The following SLC4A10 variants were observed in gnomAD, a reference collection of about 807,000 sequenced individuals.
SLC4A10 encodes the protein sodium-driven chloride bicarbonate exchanger.
SLC4A10 carries 42 observed loss-of-function variants against 137.7 expected under a neutral mutation model. That is an observed-to-expected ratio of 0.30 (90% confidence interval 0.24 to 0.39). The LOEUF is 0.39. Among genes scored for constraint, SLC4A10 ranks in the 10% least tolerant of loss-of-function variants. SLC4A10 has a pLI of 1.00. For missense variants in SLC4A10, 925 were observed against 1,355.0 expected (o/e 0.68, Z 4.98); for synonymous variants, 474 against 464.1 (o/e 1.02, Z -0.27).
intron 1 of SLC4A10, among the ~76,000 whole-genome samples, chr2:161,661,480 G>A (rs10930029): frequency 0.87 from 132,409 of 151,958 alleles, 58,307 homozygotes; most frequent in East Asian, 1. Flanking sequence ...CTCAAAAAAA[G>A]AGAGACAAGA....
chr2:161,728,123 G>A (rs1166614972), intron 1 of SLC4A10, among the ~76,000 whole-genome samples: 2 of 152,152 alleles, frequency 1.3e-5, no homozygotes, highest in African/African-American at 4.8e-5. Flanking sequence ...GGAATACTAG[G>A]AAAAGTCTAT....
chr2:161,843,177 C>A (rs2059289550), intron 4 of SLC4A10, among the ~76,000 whole-genome samples: 2 of 152,054 alleles, frequency 1.3e-5, no homozygotes, highest in South Asian at 4.1e-4. Context: ...AAATAGTGAC[C>A]CATTCATTTT....
chr2:161,710,940 A>G (rs1009061092), intron 1 of SLC4A10, among the ~76,000 whole-genome samples: 1 of 151,820 alleles, frequency 6.6e-6, no homozygotes, highest in Non-Finnish European at 1.5e-5. Context: ...TTGATTTTTG[A>G]TAGGCAGTAT....
At chr2:161,808,084 A>G (rs2056177936) in intron 3 of SLC4A10, among the ~76,000 whole-genome samples, 1 of 152,078 alleles carries the variant, frequency 6.6e-6, no homozygotes, top group Non-Finnish European at 1.5e-5. Flanking sequence ...ATTTATTATG[A>G]TATTTTCAGA....
At chr2:161,949,701 G>A (rs1051818195) in intron 18 of SLC4A10, among the ~76,000 whole-genome samples, 8 of 151,910 alleles carry the variant, frequency 5.3e-5, no homozygotes, top group Non-Finnish European at 1.0e-4. Context: ...GGGATCGGAA[G>A]TGTTTCAGAG....
At chr2:161,657,540 G>GATT (rs952276607) in intron 1 of SLC4A10, among the ~76,000 whole-genome samples, 1 of 151,660 alleles carries the variant, frequency 6.6e-6, no homozygotes, top group Non-Finnish European at 1.5e-5. Context: ...ATTTCATCAG[G>GATT]ATTATTATTA....
chr2:161,774,827 A>G (rs13413741), intron 2 of SLC4A10, among the ~76,000 whole-genome samples: 18,425 of 151,884 alleles, frequency 0.12, 1,507 homozygotes, highest in Non-Finnish European at 0.18. Context: ...GTTATTGCTG[A>G]CAGTTATCTT....
At chr2:161,640,028 C>A (rs1420121730) in intron 1 of SLC4A10, among the ~76,000 whole-genome samples, 1 of 152,102 alleles carries the variant, frequency 6.6e-6, no homozygotes, top group African/African-American at 2.4e-5. Context: ...TATAATAGCT[C>A]ATGGTGACTA....
At chr2:161,760,373 C>T (rs1342173885) in intron 1 of SLC4A10, among the ~76,000 whole-genome samples, 1 of 151,684 alleles carries the variant, frequency 6.6e-6, no homozygotes, top group Non-Finnish European at 1.5e-5. Flanking sequence ...GAATTATATA[C>T]AAATACATAT....
chr2:161,749,232 C>T (rs562151791), intron 1 of SLC4A10, among the ~76,000 whole-genome samples: 221 of 151,980 alleles, frequency 1.5e-3, no homozygotes, highest in African/African-American at 5.2e-3. Context: ...AACAGGGATA[C>T]ATTTTCTTTT....
intron 3 of SLC4A10, among the ~76,000 whole-genome samples, chr2:161,831,642 T>C (rs1218430948): frequency 1.3e-5 from 2 of 152,006 alleles, no homozygotes; most frequent in East Asian, 3.8e-4. Context: ...GATTTCTAGG[T>C]AAAAATCATA....
intron 1 of SLC4A10, among the ~76,000 whole-genome samples, chr2:161,732,379 C>T (rs1398453326): frequency 1.3e-5 from 2 of 152,092 alleles, no homozygotes; most frequent in African/African-American, 2.4e-5. Context: ...TTGGAGAGTC[C>T]AAGGATTTTT....
At chr2:161,932,500 A>G (rs1042444020) in intron 15 of SLC4A10, among the ~76,000 whole-genome samples, 1 of 152,196 alleles carries the variant, frequency 6.6e-6, no homozygotes, top group Admixed American at 6.5e-5. Context: ...GAGCTTTACT[A>G]TCCTTAATCC....
intron 1 of SLC4A10, among the ~76,000 whole-genome samples, chr2:161,737,005 T>C (rs2047411982): frequency 6.6e-6 from 1 of 151,778 alleles, no homozygotes; most frequent in Admixed American, 6.6e-5. Flanking sequence ...GAATTACAGG[T>C]ATGCACGACC....
At chr2:161,720,146 T>C (rs893453356) in intron 1 of SLC4A10, among the ~76,000 whole-genome samples, 8 of 152,362 alleles carry the variant, frequency 5.3e-5, no homozygotes, top group African/African-American at 1.4e-4. Context: ...ATTTATTAAA[T>C]AGGGAATCCT....
At chr2:161,938,727 A>T (rs946567206) in intron 15 of SLC4A10, among the ~76,000 whole-genome samples, 1 of 151,012 alleles carries the variant, frequency 6.6e-6, no homozygotes, top group East Asian at 1.9e-4. Context: ...AAAAAGAGAG[A>T]CAAAGCAAAT....
At chr2:161,853,496 C>T (rs1211072273) in intron 4 of SLC4A10, among the ~76,000 whole-genome samples, 1 of 152,128 alleles carries the variant, frequency 6.6e-6, no homozygotes, top group Non-Finnish European at 1.5e-5. Flanking sequence ...TGGACTCACC[C>T]AATTAAAAGG....
chr2:161,645,846 T>C (rs1314735112), intron 1 of SLC4A10, among the ~76,000 whole-genome samples: 1 of 152,054 alleles, frequency 6.6e-6, no homozygotes, highest in African/African-American at 2.4e-5. Context: ...AACTTCCTCT[T>C]AATTCTTGTT....
intron 2 of SLC4A10, among the ~76,000 whole-genome samples, chr2:161,799,515 A>G (rs2055156873): frequency 6.6e-6 from 1 of 151,976 alleles, no homozygotes; most frequent in Non-Finnish European, 1.5e-5. Flanking sequence ...AGTTGGTAAT[A>G]TAGAGAGAAA....
Sources: allele counts gnomAD v4.1 joint callset (sites outside exome capture counted in the v4.1 genomes callset), GRCh38; gene constraint gnomAD v4.1.1; transcripts MANE v1.5; gene names NCBI Gene and HGNC (gene_info 2026-07-23, HGNC 2026-07-21).